LPP: variants seen among roughly 807,000 people sequenced by gnomAD.
LPP encodes the protein lipoma-preferred partner.
A neutral mutation model predicts 60.4 loss-of-function variants in LPP; 38 were observed. That is an observed-to-expected ratio of 0.63 (90% CI 0.49 to 0.83). LPP has a LOEUF of 0.83. LPP is among the 40% of genes least tolerant of loss of function. LPP has a pLI of 0.00. For missense variants in LPP, 902 were observed against 783.6 expected (o/e 1.15, Z -1.80); for synonymous variants, 328 against 290.8 (o/e 1.13, Z -1.30).
At chr3:188,621,350 C>T (rs1295351483) in intron 7 of LPP, among the ~76,000 whole-genome samples, 1 of 152,116 alleles carries the variant, frequency 6.6e-6, no homozygotes, top group Non-Finnish European at 1.5e-5. Context: ...TCTGTGGTGT[C>T]TGTTATTCTC....
chr3:188,354,520 A>G (rs970938886), intron 3 of LPP, among the ~76,000 whole-genome samples: 1 of 152,214 alleles, frequency 6.6e-6, no homozygotes, highest in African/African-American at 2.4e-5. Context: ...TCACCAAAGA[A>G]AAGTTGATAT....
intron 2 of LPP, among the ~76,000 whole-genome samples, chr3:188,279,212 G>T (rs145984735): frequency 6.6e-6 from 1 of 152,280 alleles, no homozygotes; most frequent in African/African-American, 2.4e-5. Context: ...AGGAAATGGC[G>T]TAGAAGCCAT....
intron 1 of LPP, among the ~76,000 whole-genome samples, chr3:188,213,864 G>T (rs13091770): frequency 0.37 from 55,967 of 151,462 alleles, 11,628 homozygotes; most frequent in Non-Finnish European, 0.49. Context: ...ATTCAGCAAG[G>T]CTTCCCATCT....
intron 4 of LPP, among the ~76,000 whole-genome samples, chr3:188,407,332 C>T (rs13093110): frequency 0.42 from 64,325 of 151,980 alleles, 14,467 homozygotes; most frequent in East Asian, 0.63. Flanking sequence ...TCCTCTCCTG[C>T]GCCCAGGAAA....
At chr3:188,447,019 G>C (rs995959804) in intron 4 of LPP, among the ~76,000 whole-genome samples, 2 of 152,102 alleles carry the variant, frequency 1.3e-5, no homozygotes, top group African/African-American at 4.8e-5. Context: ...AAGTGTATGG[G>C]CTTCAAAAAG....
chr3:188,323,928 T>C (rs1757642875), intron 2 of LPP, among the ~76,000 whole-genome samples: 1 of 152,216 alleles, frequency 6.6e-6, no homozygotes, highest in South Asian at 2.1e-4. Context: ...CTCTGAGCAT[T>C]AGTTTGTCAT....
intron 2 of LPP, among the ~76,000 whole-genome samples, chr3:188,308,351 C>G (rs1169933340): frequency 6.6e-6 from 1 of 152,060 alleles, no homozygotes; most frequent in Non-Finnish European, 1.5e-5. Context: ...CTTCTAGATG[C>G]CCCACTTAAG....
chr3:188,186,762 G>A (rs1233049318), intron 1 of LPP, among the ~76,000 whole-genome samples: 1 of 151,032 alleles, frequency 6.6e-6, no homozygotes, highest in African/African-American at 2.4e-5. Flanking sequence ...TTTTTTTGGT[G>A]GTTACTATCA....
chr3:188,639,998 C>T (rs186621178), intron 7 of LPP, among the ~76,000 whole-genome samples: 2,867 of 152,132 alleles, frequency 0.019, 39 homozygotes, highest in Non-Finnish European at 0.031. Context: ...TACCATTTGA[C>T]CCAGCCATCC....
chr3:188,283,474 C>G (rs1019538438), intron 2 of LPP, among the ~76,000 whole-genome samples: 1 of 152,190 alleles, frequency 6.6e-6, no homozygotes, highest in African/African-American at 2.4e-5. Flanking sequence ...GATAAATCCG[C>G]CTCCCAACAG....
chr3:188,261,294 T>C (rs1733533906), intron 2 of LPP, among the ~76,000 whole-genome samples: 1 of 152,154 alleles, frequency 6.6e-6, no homozygotes, highest in African/African-American at 2.4e-5. Flanking sequence ...GACTATTCTG[T>C]AGTGATAATC....
intron 10 of LPP, among the ~76,000 whole-genome samples, chr3:188,869,442 C>G (rs1767499778): frequency 6.6e-6 from 1 of 152,158 alleles, no homozygotes; most frequent in Admixed American, 6.5e-5. Context: ...GGGCACCCAC[C>G]ACCATGCCTG....
intron 9 of LPP, among the ~76,000 whole-genome samples, chr3:188,792,652 G>A (rs969919293): frequency 6.6e-6 from 1 of 152,046 alleles, no homozygotes; most frequent in Non-Finnish European, 1.5e-5. Context: ...GGTTGATTGT[G>A]AGGCAAAGAA....
chr3:188,174,753 C>T (rs1266519079), intron 1 of LPP, among the ~76,000 whole-genome samples: 1 of 152,174 alleles, frequency 6.6e-6, no homozygotes, highest in Non-Finnish European at 1.5e-5. Flanking sequence ...GCCATCATTA[C>T]CTGTTTGAAT....
intron 5 of LPP, among the ~76,000 whole-genome samples, chr3:188,513,199 T>C (rs1044919189): frequency 1.3e-5 from 2 of 152,226 alleles, no homozygotes; most frequent in Non-Finnish European, 2.9e-5. Flanking sequence ...TTCCCTTTTA[T>C]GCACAAACAC....
chr3:188,419,623 T>G (rs1787229978), intron 4 of LPP, among the ~76,000 whole-genome samples: 1 of 152,248 alleles, frequency 6.6e-6, no homozygotes, highest in Non-Finnish European at 1.5e-5. Context: ...CTAGGCGTGG[T>G]GGCTCACGCC....
At chr3:188,336,044 T>A (rs1761535066) in intron 2 of LPP, among the ~76,000 whole-genome samples, 1 of 152,120 alleles carries the variant, frequency 6.6e-6, no homozygotes, top group South Asian at 2.1e-4. Flanking sequence ...GTTGTAGAAA[T>A]TTGTGGCAGT....
chr3:188,644,384 A>G (rs1411577701), intron 7 of LPP, among the ~76,000 whole-genome samples: 1 of 152,236 alleles, frequency 6.6e-6, no homozygotes, highest in Non-Finnish European at 1.5e-5. Flanking sequence ...TATTGATCCA[A>G]GAATTTTGAA....
chr3:188,758,480 A>C (rs183904992), intron 8 of LPP, among the ~76,000 whole-genome samples: 93 of 152,304 alleles, frequency 6.1e-4, no homozygotes, highest in Non-Finnish European at 1.0e-3. Flanking sequence ...CTTATTCCTT[A>C]GGAAAAAAAC....
Sources: gnomAD v4.1 joint callset for allele counts (sites outside exome capture counted in the v4.1 genomes callset) on GRCh38, gnomAD v4.1.1 for gene constraint, MANE v1.5 for transcripts, NCBI Gene and HGNC (gene_info 2026-07-23, HGNC 2026-07-21) for gene names.